The following RASSF8 variants were observed in gnomAD, a reference collection of about 807,000 sequenced individuals.
RASSF8 encodes the protein Ras association domain family member 8, also known as ras association domain-containing protein 8.
In RASSF8, 22 loss-of-function variants were observed where a neutral mutation model predicts 48.5. That is an observed-to-expected ratio of 0.45 (90% CI 0.32 to 0.65). The LOEUF (loss-of-function observed/expected upper bound fraction) is 0.65, where lower values mean the gene tolerates loss of function less well. Ranked by LOEUF, RASSF8 falls within the 30% of genes least tolerant of loss-of-function variation. RASSF8 has a pLI of 0.03. For missense variants in RASSF8, 418 were observed against 489.2 expected, an observed-to-expected ratio of 0.85 and a Z score of 1.37; for synonymous variants, 127 against 171.5, an observed-to-expected ratio of 0.74 and a Z score of 2.03.
chr12:25,985,223 GTT>G (rs1941843992), intron 1 of RASSF8, among the ~76,000 whole-genome samples: 1 of 152,092 alleles, frequency 6.6e-6, no homozygotes, highest in East Asian at 1.9e-4. Flanking sequence ...TTTGCTAAAG[GTT>G]TTTTGTGTGT....
chr12:26,022,482 C>T (rs1047060475), intron 2 of RASSF8, among the ~76,000 whole-genome samples: 5 of 151,894 alleles, frequency 3.3e-5, no homozygotes, highest in African/African-American at 1.2e-4. Flanking sequence ...GAAAGTGTGC[C>T]CCATACACAA....
intron 2 of RASSF8, among the ~76,000 whole-genome samples, chr12:25,999,538 A>C (rs1942206937): frequency 6.6e-6 from 1 of 152,142 alleles, no homozygotes; most frequent in African/African-American, 2.4e-5. Flanking sequence ...ACTTGAGTTC[A>C]GGAGTTCAAG....
chr12:25,988,316 C>T (rs1359482052), intron 1 of RASSF8, among the ~76,000 whole-genome samples: 1 of 152,096 alleles, frequency 6.6e-6, no homozygotes, highest in African/African-American at 2.4e-5. Context: ...CAACTCAAAA[C>T]TGTCAGGTCT....
chr12:26,044,114 T>C (rs946034370), intron 2 of RASSF8, among the ~76,000 whole-genome samples: 4 of 152,228 alleles, frequency 2.6e-5, no homozygotes, highest in Admixed American at 1.3e-4. Context: ...AGTCCTCTTC[T>C]ATCTAAATAG....
intron 2 of RASSF8, among the ~76,000 whole-genome samples, chr12:26,012,433 CATT>C (rs1225219300): frequency 6.6e-6 from 1 of 152,108 alleles, no homozygotes; most frequent in Admixed American, 6.5e-5. Flanking sequence ...TGTGAACTGT[CATT>C]ATTTAGCCTT....
chr12:26,041,159 G>A (rs1039695183), intron 2 of RASSF8, among the ~76,000 whole-genome samples: 4 of 151,822 alleles, frequency 2.6e-5, no homozygotes, highest in South Asian at 2.1e-4. Flanking sequence ...CCCAAAGTGC[G>A]GGGATTACAG....
intron 1 of RASSF8, among the ~76,000 whole-genome samples, chr12:25,988,751 C>A (rs898863058): frequency 6.6e-6 from 1 of 152,056 alleles, no homozygotes; most frequent in African/African-American, 2.4e-5. Flanking sequence ...TTGCCAGATC[C>A]TGTGCTAGGT....
intron 1 of RASSF8, among the ~76,000 whole-genome samples, chr12:25,986,417 G>C (rs1941877194): frequency 6.6e-6 from 1 of 152,186 alleles, no homozygotes; most frequent in Non-Finnish European, 1.5e-5. Flanking sequence ...GCTGTTATCT[G>C]TGTTACCTCT....
intron 2 of RASSF8, among the ~76,000 whole-genome samples, chr12:26,045,159 C>CT: frequency 6.6e-6 from 1 of 152,062 alleles, no homozygotes; most frequent in East Asian, 1.9e-4. Context: ...TGAATGGACA[C>CT]TTTTTTTGTT....
rs1591823496 is a variant in RASSF8 at position 26,070,480 on chromosome 12, G to C, written c.*1662G>C. On this transcript the variant is annotated 3_prime_UTR_variant, in exon 6 of 6. Coordinates refer to ENST00000689635, the MANE Select transcript of RASSF8 (RefSeq NM_001394098.1). ...ATATGAGTTTCTTTGGGTTCTTGGA[G>C]TTATCAAATTGATCTTGCCATTATG... is the stretch of plus-strand genomic sequence containing the variant. The C allele has an allele frequency of 9.1e-6, 9 of 985,068 alleles. No individual in the cohort carries two copies. The Middle Eastern group carries it at 1.5e-3, about 170-fold the overall frequency. 61.0% of individuals were successfully genotyped at this position (985,068 alleles called of 1,614,324 possible).
At chr12:26,015,815 T>C (rs183711488) in intron 2 of RASSF8, among the ~76,000 whole-genome samples, 22 of 151,412 alleles carry the variant, frequency 1.5e-4, no homozygotes, top group African/African-American at 5.1e-4. Flanking sequence ...AGGTTTGCTT[T>C]GCCTGTTCAG....
At chr12:25,997,760 A>C (rs74071351) in intron 2 of RASSF8, among the ~76,000 whole-genome samples, 2 of 152,202 alleles carry the variant, frequency 1.3e-5, no homozygotes, top group Admixed American at 1.3e-4. Context: ...GAAGAATTTC[A>C]GTGACAATAA....
intron 1 of RASSF8, among the ~76,000 whole-genome samples, chr12:25,963,800 G>A (rs1047223191): frequency 4.6e-5 from 7 of 152,220 alleles, no homozygotes; most frequent in East Asian, 3.8e-4. Flanking sequence ...GGGTGCTCTC[G>A]AAGAGGAGGA....
chr12:26,047,998 G>A (rs1417445049), intron 2 of RASSF8, among the ~76,000 whole-genome samples: 3 of 152,202 alleles, frequency 2.0e-5, no homozygotes, highest in Non-Finnish European at 4.4e-5. Context: ...CCATTTAAAG[G>A]AAGCGGCTAG....
intron 2 of RASSF8, among the ~76,000 whole-genome samples, chr12:26,003,476 A>G (rs975399367): frequency 5.9e-5 from 9 of 152,234 alleles, no homozygotes; most frequent in Non-Finnish European, 1.3e-4. Context: ...CAGTGCAACT[A>G]GAAGGCAGAC....
intron 2 of RASSF8, among the ~76,000 whole-genome samples, chr12:26,050,215 T>G (rs942452584): frequency 6.6e-6 from 1 of 152,250 alleles, no homozygotes; most frequent in African/African-American, 2.4e-5. Context: ...TGCTTACAAT[T>G]TTTGAATGTG....
At chr12:26,077,226 ATAG>A (rs1340027129), downstream of RASSF8, among the ~76,000 whole-genome samples, 3 of 152,158 alleles carry the variant, frequency 2.0e-5, no homozygotes, top group African/African-American at 7.2e-5. Context: ...GTTCACTCTG[ATAG>A]TAGTTTCTTT....
Position 26,065,011 on chromosome 12 carries a change from T to C in RASSF8, c.617T>C (p.Ile206Thr), listed in dbSNP as rs748980703. 6 of 1,612,818 alleles carry C rather than the reference T, an allele frequency of 3.7e-6. No homozygotes were observed. Among genetic ancestry groups the C allele is most frequent in the Non-Finnish European group, 5.1e-6 (6 of 1,179,688 alleles). ...QKYNSNLEEE[I>T]VRLEQKIKRN... Reference sequence around the variant, plus strand: ...TATAATTCCAACCTTGAAGAGGAAATTGTCCGTCTAGAGCAAAAGATCAAA... The same window carrying C: ...TATAATTCCAACCTTGAAGAGGAAACTGTCCGTCTAGAGCAAAAGATCAAA... The change falls in exon 4 of 6, where the codon ATT becomes ACT. Residue 206 changes from isoleucine (I) to threonine (T), a missense_variant. Transcript: ENST00000689635.
At position 26,069,610 on chromosome 12, in the gene RASSF8, T is replaced by C. The variant is rs2137331886; in HGVS notation, c.*792T>C. 1 of 985,488 alleles carries C rather than the reference T, an allele frequency of 1.0e-6. No individual in the cohort carries two copies. The highest frequency in any genetic ancestry group is 1.2e-6 in the Non-Finnish European group (1 of 829,938). The allele number at this position is 985,488 out of a possible 1,614,324, so 61.0% of individuals were successfully genotyped here. Reference sequence around the variant, plus strand: ...TCCAAACAGGCATGGGGTTTCCTGATACATTATGTGTTTTGTTTCTGCCCT... The same window carrying C: ...TCCAAACAGGCATGGGGTTTCCTGACACATTATGTGTTTTGTTTCTGCCCT... On this transcript the variant is annotated 3_prime_UTR_variant, in exon 6 of 6. Transcript: ENST00000689635.
Sources: allele counts gnomAD v4.1 joint callset (sites outside exome capture counted in the v4.1 genomes callset), GRCh38; gene constraint gnomAD v4.1.1; transcripts MANE v1.5; gene names NCBI Gene and HGNC (gene_info 2026-07-23, HGNC 2026-07-21).